Variants in EPS15 observed in about 807,000 individuals in gnomAD.
The protein encoded by EPS15 is epidermal growth factor receptor pathway substrate 15, also known as epidermal growth factor receptor substrate 15.
A neutral mutation model predicts 113.8 loss-of-function variants in EPS15; 72 were observed. That is an observed-to-expected ratio of 0.63 (90% confidence interval 0.52 to 0.77). EPS15 has a LOEUF of 0.77. Among genes scored for constraint, EPS15 ranks in the 30% least tolerant of loss-of-function variants. The pLI is 0.00. For synonymous variants in EPS15, 344 were observed against 363.4 expected (o/e 0.95, Z 0.61); for missense variants, 1,048 against 1,045.8 (o/e 1.00, Z -0.03).
At position 51,391,709 on chromosome 1, in the gene EPS15, A is replaced by G. The variant is rs548113934; in HGVS notation, c.2119+2672T>C. The stretch of plus-strand genomic sequence containing the variant: ...GGCCACTGTAAGGCTTTTACTGGAT[A>G]TAATTTGAAGGTAGAGTCAATAAGA... On this transcript the variant is annotated intron_variant, in intron 21 of 24. Coordinates refer to ENST00000371733, the MANE Select transcript of EPS15 (RefSeq NM_001981.3). Among the ~76,000 whole-genome samples, 43 of 152,248 alleles carry G rather than the reference A, an allele frequency of 2.8e-4. 1 individual carries two copies. In the South Asian group the frequency reaches 7.9e-3, roughly 28 times the overall value.
intron 17 of EPS15, 120 bp from the exon 18 acceptor site, chr1:51,402,645 C>T (rs1648691122): frequency 1.9e-6 from 1 of 540,172 alleles, no homozygotes; most frequent in Non-Finnish European, 3.3e-6. Flanking sequence ...AACTGATGGG[C>T]CAGGCACGGT....
chr1:51,408,167 G>C lies in EPS15; in HGVS notation c.1441C>G (p.His481Asp). ...ATTTCCTGTTGTGAATCTTGTAGGT[G>C]CTGCTGAAGAGGTTCCAACTGAGCC... Reference protein sequence around the residue: ...GKAQLEPLQQHLQDSQQEISS... With the variant: ...GKAQLEPLQQDLQDSQQEISS... The change falls in exon 15 of 25, where the codon CAC becomes GAC. Residue 481 changes from histidine (H) to aspartate (D), a missense_variant. Coordinates refer to ENST00000371733, the MANE Select transcript of EPS15 (RefSeq NM_001981.3). 1 of 1,614,094 alleles carries C rather than the reference G, an allele frequency of 6.2e-7. No individual in the cohort carries two copies. The highest frequency in any genetic ancestry group is 8.5e-7 in the Non-Finnish European group (1 of 1,179,964).
chr1:51,424,071 T>A (rs1651003125), intron 12 of EPS15, among the ~76,000 whole-genome samples: 1 of 152,252 alleles, frequency 6.6e-6, no homozygotes, highest in South Asian at 2.1e-4. Flanking sequence ...AACTTTTGAT[T>A]CATGTTTATC....
chr1:51,403,725 C>G (rs1224930392), intron 16 of EPS15, among the ~76,000 whole-genome samples, 193 bp from the exon 17 acceptor site: 1 of 152,162 alleles, frequency 6.6e-6, no homozygotes. Flanking sequence ...TGTCAGAAAC[C>G]TTCAGGTCAT....
At chr1:51,458,574 TA>T in intron 8 of EPS15, 1 of 441,292 alleles carries the variant, frequency 2.3e-6, no homozygotes, top group Non-Finnish European at 4.5e-6. Flanking sequence ...CTGTCTCTAC[TA>T]AAAATATAAA....
At chr1:51,396,184 TTAAAGAAAAACTTAAACTGGTC>T (rs1228732265) in intron 20 of EPS15, among the ~76,000 whole-genome samples, 16 of 152,268 alleles carry the variant, frequency 1.1e-4, no homozygotes, top group African/African-American at 3.9e-4. Flanking sequence ...TAAACAGCAA[TTAAAGAAAAACTTAAACTGGTC>T]TATATAGCGA....
At chr1:51,414,486 A>G (rs1277771876) in intron 13 of EPS15, among the ~76,000 whole-genome samples, 1 of 152,154 alleles carries the variant, frequency 6.6e-6, no homozygotes, top group Non-Finnish European at 1.5e-5. Flanking sequence ...ATTATTATAT[A>G]GGTTTATATA....
intron 20 of EPS15, 136 bp downstream of exon 20, chr1:51,398,896 G>T: frequency 4.1e-6 from 3 of 738,342 alleles, no homozygotes; most frequent in Non-Finnish European, 6.3e-6. Flanking sequence ...AAATGAATTG[G>T]GATGAGACTG....
chr1:51,491,178 G>A (rs891779694), intron 1 of EPS15, among the ~76,000 whole-genome samples: 3 of 152,102 alleles, frequency 2.0e-5, no homozygotes, highest in African/African-American at 7.2e-5. Flanking sequence ...AAATTTTTTA[G>A]TCTCTTAATG....
chr1:51,484,886 T>C (rs1644092024), intron 1 of EPS15, among the ~76,000 whole-genome samples: 1 of 152,214 alleles, frequency 6.6e-6, no homozygotes, highest in African/African-American at 2.4e-5. Flanking sequence ...GCAAATGAAG[T>C]ATGTGCAAAG....
intron 8 of EPS15, among the ~76,000 whole-genome samples, chr1:51,455,828 T>C (rs1398725896): frequency 1.3e-5 from 2 of 152,152 alleles, no homozygotes; most frequent in Non-Finnish European, 2.9e-5. Flanking sequence ...TATTTTTGTG[T>C]ATGTACATAC....
At chr1:51,410,222 C>A (rs1649573381) in intron 13 of EPS15, among the ~76,000 whole-genome samples, 2 of 150,160 alleles carry the variant, frequency 1.3e-5, no homozygotes, top group African/African-American at 4.9e-5. Flanking sequence ...GAGTGAAACT[C>A]CATCTCAAAA....
At chr1:51,450,736 A>C (rs1221277622) in intron 8 of EPS15, among the ~76,000 whole-genome samples, 1 of 151,856 alleles carries the variant, frequency 6.6e-6, no homozygotes, top group East Asian at 1.9e-4. Context: ...GAATCTATCC[A>C]TATGAAATGC....
At chr1:51,413,962 G>A (rs1371212984) in intron 13 of EPS15, among the ~76,000 whole-genome samples, 1 of 151,912 alleles carries the variant, frequency 6.6e-6, no homozygotes, top group Non-Finnish European at 1.5e-5. Context: ...GTTGCCCAGG[G>A]TGGTCTCAAA....
At chr1:51,515,471 C>G (rs919634718) in intron 1 of EPS15, among the ~76,000 whole-genome samples, 23 of 128,254 alleles carry the variant, frequency 1.8e-4, no homozygotes, top group Admixed American at 1.4e-3. Context: ...GATCCTGTCT[C>G]AAAACAAAAC....
At chr1:51,366,078 T>TA (rs765715854) in intron 21 of EPS15, 49 bp from the exon 22 acceptor site, 1 of 1,400,168 alleles carries the variant, frequency 7.1e-7, no homozygotes, top group Non-Finnish European at 9.9e-7. Flanking sequence ...AGACATTTTT[T>TA]TTTTTTGAGA....
chr1:51,508,259 A>AGG (rs1644542082), intron 1 of EPS15, among the ~76,000 whole-genome samples: 1 of 136,136 alleles, frequency 7.3e-6, no homozygotes, highest in African/African-American at 3.1e-5. Context: ...AGAGAGAGAG[A>AGG]GAGAGAGAGA....
intron 2 of EPS15, among the ~76,000 whole-genome samples, chr1:51,475,840 C>T (rs1048919981): frequency 6.6e-6 from 1 of 152,136 alleles, no homozygotes; most frequent in Non-Finnish European, 1.5e-5. Flanking sequence ...TTTAATCCAT[C>T]TTGAAATAAT....
At chr1:51,452,543 C>T (rs1220129470) in intron 8 of EPS15, among the ~76,000 whole-genome samples, 1 of 152,256 alleles carries the variant, frequency 6.6e-6, no homozygotes, top group East Asian at 1.9e-4. Flanking sequence ...CCCAACCCCT[C>T]AATTTATTTA....
Sources: gnomAD v4.1 joint callset for allele counts (sites outside exome capture counted in the v4.1 genomes callset) on GRCh38, gnomAD v4.1.1 for gene constraint, MANE v1.5 for transcripts, NCBI Gene and HGNC (gene_info 2026-07-23, HGNC 2026-07-21) for gene names.